The following IMMP2L variants were observed in gnomAD, a reference collection of about 807,000 sequenced individuals.
The protein encoded by IMMP2L is mitochondrial inner membrane protease subunit 2.
IMMP2L carries 18 observed loss-of-function variants against 19.3 expected under a neutral mutation model. The ratio of observed to expected loss-of-function variants is 0.93; its 90% CI spans 0.64 to 1.38. IMMP2L has a LOEUF of 1.38. Among genes scored for constraint, IMMP2L ranks in the 40% most tolerant of loss-of-function variants. The pLI, the probability that IMMP2L is intolerant of heterozygous loss-of-function variation, is 0.00. For synonymous variants in IMMP2L, 76 were observed against 73.0 expected (o/e 1.04, Z -0.21); for missense variants, 233 against 218.2 (o/e 1.07, Z -0.43).
At chr7:110,808,961 A>C (rs1199778461) in intron 5 of IMMP2L, among the ~76,000 whole-genome samples, 3 of 152,044 alleles carry the variant, frequency 2.0e-5, no homozygotes, top group Non-Finnish European at 2.9e-5. Context: ...GAAATGGATA[A>C]AGCTAAAATC....
intron 3 of IMMP2L, among the ~76,000 whole-genome samples, chr7:111,000,365 C>T (rs542771958): frequency 6.6e-6 from 1 of 152,254 alleles, no homozygotes; most frequent in African/African-American, 2.4e-5. Context: ...TTACCCTCAA[C>T]TTAGACATGA....
At chr7:111,506,809 CCACCTT>C (rs1373695144) in intron 2 of IMMP2L, among the ~76,000 whole-genome samples, 6 of 152,132 alleles carry the variant, frequency 3.9e-5, no homozygotes, top group South Asian at 2.1e-4. Flanking sequence ...ATACTAAGTA[CCACCTT>C]ATATCTTTCT....
intron 4 of IMMP2L, among the ~76,000 whole-genome samples, chr7:110,897,970 A>G (rs1811490711): frequency 6.6e-6 from 1 of 151,996 alleles, no homozygotes; most frequent in Admixed American, 6.6e-5. Flanking sequence ...TGGGTGAAGG[A>G]TGAAAGAACT....
At chr7:111,496,546 G>T (rs2132375198) in intron 2 of IMMP2L, among the ~76,000 whole-genome samples, 1 of 152,254 alleles carries the variant, frequency 6.6e-6, no homozygotes, top group African/African-American at 2.4e-5. Flanking sequence ...GCAATTAGTT[G>T]AGGGCTTGGA....
intron 3 of IMMP2L, among the ~76,000 whole-genome samples, chr7:111,171,207 CA>C (rs1562883131): frequency 4.6e-5 from 7 of 151,570 alleles, no homozygotes; most frequent in African/African-American, 1.7e-4. Context: ...CACACACACA[CA>C]AAGACATACA....
chr7:111,455,306 C>A (rs969167492), intron 3 of IMMP2L, among the ~76,000 whole-genome samples: 2 of 151,314 alleles, frequency 1.3e-5, no homozygotes, highest in African/African-American at 4.9e-5. Flanking sequence ...TAACATCTTA[C>A]TGATCCCCTC....
At chr7:110,861,104 A>T (rs2396284) in intron 5 of IMMP2L, among the ~76,000 whole-genome samples, 49,404 of 131,638 alleles carry the variant, frequency 0.38, 9,250 homozygotes, top group East Asian at 0.63. Context: ...TGTGTGAGAG[A>T]GAGAGAGAGA....
intron 3 of IMMP2L, among the ~76,000 whole-genome samples, chr7:111,111,393 T>G (rs1488400091): frequency 1.3e-5 from 2 of 148,502 alleles, no homozygotes; most frequent in African/African-American, 5.1e-5. Context: ...CAAATTACAC[T>G]GCTTTCCATC....
chr7:111,141,163 T>A (rs1802839337), intron 3 of IMMP2L, among the ~76,000 whole-genome samples: 1 of 152,134 alleles, frequency 6.6e-6, no homozygotes, highest in Non-Finnish European at 1.5e-5. Flanking sequence ...AGAGAATCAA[T>A]AAAATTAACT....
chr7:111,473,969 C>T (rs900248416), intron 3 of IMMP2L, among the ~76,000 whole-genome samples: 3 of 152,094 alleles, frequency 2.0e-5, no homozygotes, highest in Non-Finnish European at 4.4e-5. Context: ...TACAAATACA[C>T]CATGGAGTAC....
intron 5 of IMMP2L, among the ~76,000 whole-genome samples, chr7:110,787,973 T>C (rs978250206): frequency 6.6e-6 from 1 of 152,056 alleles, no homozygotes; most frequent in Non-Finnish European, 1.5e-5. Flanking sequence ...CCAGCATACA[T>C]CATTTACACT....
chr7:111,458,945 T>C (rs1323716009), intron 3 of IMMP2L, among the ~76,000 whole-genome samples: 1 of 152,186 alleles, frequency 6.6e-6, no homozygotes, highest in Non-Finnish European at 1.5e-5. Context: ...CTTGGGGACA[T>C]ATAATTATCC....
chr7:111,248,875 C>G (rs1450054395), intron 3 of IMMP2L, among the ~76,000 whole-genome samples: 5 of 9,376 alleles, frequency 5.3e-4, no homozygotes, highest in Non-Finnish European at 7.2e-4. Context: ...GCAGTCTGCC[C>G]GTTCTCAGAT....
At chr7:111,351,535 A>G (rs768491682) in intron 3 of IMMP2L, among the ~76,000 whole-genome samples, 19 of 152,232 alleles carry the variant, frequency 1.2e-4, no homozygotes, top group Admixed American at 3.3e-4. Context: ...ATTCCTGATG[A>G]TAGCCAGCTA....
chr7:110,833,633 G>A (rs151200267), intron 5 of IMMP2L, among the ~76,000 whole-genome samples: 30 of 152,094 alleles, frequency 2.0e-4, no homozygotes, highest in Admixed American at 1.6e-3. Flanking sequence ...ATTAGAAGAC[G>A]ATTTAAAGCA....
At chr7:111,103,493 A>C (rs1798206309) in intron 3 of IMMP2L, among the ~76,000 whole-genome samples, 1 of 151,674 alleles carries the variant, frequency 6.6e-6, no homozygotes, top group Non-Finnish European at 1.5e-5. Context: ...TTTTAGAATT[A>C]TTTTCACAGA....
At chr7:110,832,356 G>A (rs1804048619) in intron 5 of IMMP2L, among the ~76,000 whole-genome samples, 1 of 152,122 alleles carries the variant, frequency 6.6e-6, no homozygotes, top group African/African-American at 2.4e-5. Context: ...GTATATTCAT[G>A]GGTTTTGCTA....
rs145421004 is a variant in IMMP2L at position 111,508,634 on chromosome 7, T to G, written c.135+12679A>C. Among the ~76,000 whole-genome samples, 618 of 152,204 alleles carry G rather than the reference T, an allele frequency of 4.1e-3. 2 individuals carry two copies. The highest frequency in any genetic ancestry group is 0.014 in the African/African-American group (598 of 41,532). On this transcript the variant is annotated intron_variant, in intron 2 of 5. Transcript: ENST00000405709. ...GCTGGGTCCAGGGCCTTTTATATAC[T>G]CAGAATGGGGAGAGTGTGTTGATTG...
intron 3 of IMMP2L, among the ~76,000 whole-genome samples, chr7:111,319,755 G>C (rs185440498): frequency 4.7e-4 from 71 of 151,874 alleles, no homozygotes; most frequent in Non-Finnish European, 8.1e-4. Flanking sequence ...TATGAAACAG[G>C]AAACAAACAG....
Sources: allele counts gnomAD v4.1 joint callset (sites outside exome capture counted in the v4.1 genomes callset), GRCh38; gene constraint gnomAD v4.1.1; transcripts MANE v1.5; gene names NCBI Gene and HGNC (gene_info 2026-07-23, HGNC 2026-07-21).